NAALADL2: variants seen among roughly 807,000 people sequenced by gnomAD.
The protein encoded by NAALADL2 is inactive N-acetylated-alpha-linked acidic dipeptidase-like protein 2.
NAALADL2 carries 76 observed loss-of-function variants against 87.2 expected under a neutral mutation model. The observed-to-expected ratio is 0.87, with a 90% CI of 0.72 to 1.05. NAALADL2 has a LOEUF of 1.05. NAALADL2 is among the 50% of genes least tolerant of loss of function. The probability of loss-of-function intolerance (pLI) is 0.00; values close to 1 mark genes in which losing one functional copy is unlikely to be tolerated. For missense variants in NAALADL2, 1,089 were observed against 945.8 expected, an observed-to-expected ratio of 1.15 and a Z score of -1.99; for synonymous variants, 354 against 331.0, an observed-to-expected ratio of 1.07 and a Z score of -0.75.
At chr3:175,413,425 G>A (rs917558577) in intron 5 of NAALADL2, among the ~76,000 whole-genome samples, 2 of 151,256 alleles carry the variant, frequency 1.3e-5, no homozygotes, top group Admixed American at 6.6e-5. Context: ...CAAAAAATTG[G>A]CCGGGCATGG....
At chr3:174,564,999 A>T (rs1021495740) in intron 2 of NAALADL2, among the ~76,000 whole-genome samples, 5 of 152,032 alleles carry the variant, frequency 3.3e-5, no homozygotes, top group African/African-American at 1.2e-4. Flanking sequence ...TAGAGGGTAT[A>T]TGCAAATTCC....
chr3:174,580,675 A>G (rs1158798424), intron 2 of NAALADL2, among the ~76,000 whole-genome samples: 2 of 152,110 alleles, frequency 1.3e-5, no homozygotes, highest in African/African-American at 4.8e-5. Flanking sequence ...TGTAATATAT[A>G]TCAATACTTC....
intron 1 of NAALADL2, among the ~76,000 whole-genome samples, chr3:175,031,034 T>G (rs1396286891): frequency 4.6e-5 from 7 of 152,072 alleles, no homozygotes; most frequent in South Asian, 2.1e-4. Context: ...ATATTATAAT[T>G]TTAAATAGTT....
chr3:174,579,472 C>A (rs2108555706), intron 2 of NAALADL2, among the ~76,000 whole-genome samples: 1 of 152,088 alleles, frequency 6.6e-6, no homozygotes, highest in East Asian at 1.9e-4. Context: ...TATATATTGT[C>A]TACTTCCATT....
chr3:174,675,427 T>C (rs1289482660), intron 2 of NAALADL2, among the ~76,000 whole-genome samples: 2 of 152,048 alleles, frequency 1.3e-5, no homozygotes, highest in East Asian at 3.8e-4. Flanking sequence ...TTCATTTTCA[T>C]AAAGTGAAGT....
chr3:175,263,429 G>A lies in NAALADL2; in HGVS notation c.939+6899G>A, dbSNP rs571681925. ...TAAAACCAAATAAAAGTGTGTCTAC[G>A]AATCTTCAAAGTCTGTCAAGAATTG... On this transcript the variant is annotated intron_variant, in intron 4 of 13. Transcript: ENST00000454872. Among the ~76,000 whole-genome samples the A allele has an allele frequency of 5.3e-5, 8 of 151,918 alleles. No individual in the cohort carries two copies. In the East Asian group the frequency reaches 5.8e-4, roughly 11 times the overall value.
chr3:174,881,020 C>A (rs933476406), intron 1 of NAALADL2, among the ~76,000 whole-genome samples: 3 of 152,044 alleles, frequency 2.0e-5, no homozygotes, highest in Admixed American at 1.3e-4. Flanking sequence ...CTTAACTCTC[C>A]TTCTGTTCTT....
intron 9 of NAALADL2, among the ~76,000 whole-genome samples, chr3:175,481,811 C>T (rs1274094428): frequency 1.3e-5 from 2 of 151,756 alleles, no homozygotes; most frequent in Non-Finnish European, 2.9e-5. Flanking sequence ...AATTGCAAAA[C>T]CTTGTGACTT....
intron 2 of NAALADL2, among the ~76,000 whole-genome samples, chr3:175,197,003 G>A (rs1251919593): frequency 1.3e-5 from 2 of 151,948 alleles, no homozygotes; most frequent in South Asian, 2.1e-4. Context: ...AAAAAAATAG[G>A]TGAGAAACAT....
At chr3:175,307,518 C>A (rs1054883665) in intron 4 of NAALADL2, among the ~76,000 whole-genome samples, 1 of 152,094 alleles carries the variant, frequency 6.6e-6, no homozygotes, top group African/African-American at 2.4e-5. Context: ...CAGCTGTGAA[C>A]ATTTGAAAAT....
chr3:174,885,382 C>A (rs759295680), intron 1 of NAALADL2, among the ~76,000 whole-genome samples: 2 of 152,122 alleles, frequency 1.3e-5, no homozygotes, highest in Non-Finnish European at 2.9e-5. Flanking sequence ...CTGAGTTCAT[C>A]ATTTTCTTTC....
intron 2 of NAALADL2, among the ~76,000 whole-genome samples, chr3:175,228,978 T>C (rs1442801258): frequency 1.3e-5 from 2 of 151,976 alleles, no homozygotes; most frequent in African/African-American, 4.8e-5. Context: ...AGTTTACTAT[T>C]TAAAAAATTT....
At chr3:175,120,706 T>C (rs1726021017) in intron 2 of NAALADL2, among the ~76,000 whole-genome samples, 1 of 151,882 alleles carries the variant, frequency 6.6e-6, no homozygotes, top group African/African-American at 2.4e-5. Flanking sequence ...TTGAAAAGTG[T>C]AGCTATTTTC....
Position 175,044,583 on chromosome 3 carries a change from A to T in NAALADL2, c.44-52207A>T, listed in dbSNP as rs145330049. ...TTAAAACATTCATGTTCATACATAT[A>T]ATCTTCTGTCACTTCAGGTATTTTT... On this transcript the variant is annotated intron_variant, in intron 1 of 13. Coordinates refer to ENST00000454872, the MANE Select transcript of NAALADL2 (RefSeq NM_207015.3). Among the ~76,000 whole-genome samples, 815 of 152,264 alleles carry T rather than the reference A, an allele frequency of 5.4e-3. 4 individuals carry two copies. Among genetic ancestry groups the T allele is most frequent in the African/African-American group, 0.019 (775 of 41,576 alleles).
At chr3:175,317,447 A>T (rs1204216288) in intron 4 of NAALADL2, among the ~76,000 whole-genome samples, 2 of 151,706 alleles carry the variant, frequency 1.3e-5, no homozygotes, top group East Asian at 2.0e-4. Flanking sequence ...CTGACCTCAC[A>T]ATCCCTCCCT....
chr3:174,885,437 A>T (rs1489319632), intron 1 of NAALADL2, among the ~76,000 whole-genome samples: 3 of 152,132 alleles, frequency 2.0e-5, no homozygotes, highest in Non-Finnish European at 4.4e-5. Flanking sequence ...CAGCTTCATT[A>T]TGTTCCTTGG....
At chr3:175,357,731 C>T (rs190078153) in intron 5 of NAALADL2, among the ~76,000 whole-genome samples, 7 of 152,166 alleles carry the variant, frequency 4.6e-5, no homozygotes, top group South Asian at 2.1e-4. Context: ...GTCTTCTTTG[C>T]GTAAAAAATT....
chr3:175,032,336 A>G (rs1752891729), intron 1 of NAALADL2, among the ~76,000 whole-genome samples: 1 of 152,056 alleles, frequency 6.6e-6, no homozygotes, highest in Non-Finnish European at 1.5e-5. Flanking sequence ...CATTTTTTTA[A>G]CAAATACTAG....
intron 1 of NAALADL2, among the ~76,000 whole-genome samples, chr3:175,093,981 C>T (rs1208692119): frequency 6.6e-6 from 1 of 151,900 alleles, no homozygotes; most frequent in Non-Finnish European, 1.5e-5. Context: ...CTCACCATTG[C>T]AGTTGGCTTT....
Sources: gnomAD v4.1 joint callset for allele counts (sites outside exome capture counted in the v4.1 genomes callset) on GRCh38, gnomAD v4.1.1 for gene constraint, MANE v1.5 for transcripts, NCBI Gene and HGNC (gene_info 2026-07-23, HGNC 2026-07-21) for gene names.